Variants in CWF19L2 observed in about 807,000 individuals in gnomAD.
CWF19L2 encodes the protein CWF19-like protein 2.
A neutral mutation model predicts 111.7 loss-of-function variants in CWF19L2; 98 were observed. The ratio of observed to expected loss-of-function variants is 0.88; its 90% CI spans 0.75 to 1.04. The LOEUF is 1.04. CWF19L2 is among the 50% of genes least tolerant of loss of function. The probability of loss-of-function intolerance (pLI) is 0.00; values close to 1 mark genes in which losing one functional copy is unlikely to be tolerated. For missense variants in CWF19L2, 1,101 were observed against 1,051.4 expected (o/e 1.05, Z -0.65); for synonymous variants, 351 against 342.9 (o/e 1.02, Z -0.26).
Position 107,392,864 on chromosome 11 carries a change from C to T in CWF19L2, c.1649G>A (p.Arg550Lys), listed in dbSNP as rs1209522255. 6.3e-7 allele frequency: 1 copy of T among 1,576,042 alleles called. No individual in the cohort carries two copies. Among genetic ancestry groups the T allele is most frequent in the Non-Finnish European group, 8.6e-7 (1 of 1,167,706 alleles). Residue 550 changes from arginine to lysine, a missense_variant, in exon 11 of 18, where the codon AGA (arginine) becomes AAA (lysine). Physicochemically the swap from Arg to Lys is conservative, Grantham distance 26. Coordinates refer to ENST00000282251, the MANE Select transcript of CWF19L2 (RefSeq NM_152434.3). ...CCATACTCTTCCAGACTGATCTGTT[C>T]TGACAAGGATTACTTCTTGCTGGTC... ...NEDQQEVILVRTDQSGRVWPV... is the reference protein window; with the variant it reads ...NEDQQEVILVKTDQSGRVWPV...
chr11:107,429,201 A>G lies in CWF19L2; in HGVS notation c.1031T>C (p.Leu344Ser), dbSNP rs779149054. 1 of 1,613,712 alleles carries G rather than the reference A, an allele frequency of 6.2e-7. No homozygotes were observed. Among genetic ancestry groups the G allele is most frequent in the East Asian group, 2.2e-5 (1 of 44,858 alleles). Residue 344 changes from leucine to serine, a missense_variant, in exon 8 of 18, where the codon TTA (leucine) becomes TCA (serine). Transcript: ENST00000282251. ...GTTAGATTCTCTTCTACACGTTTCT[A>G]AAGACCCAGGTCTCTTATCTTTTTC... ...GDEKDKRPGSLETCRRESNPR... is the reference protein window; with the variant it reads ...GDEKDKRPGSSETCRRESNPR...
intron 3 of CWF19L2, among the ~76,000 whole-genome samples, chr11:107,452,437 T>C (rs1260332072): frequency 6.6e-6 from 1 of 152,098 alleles, no homozygotes; most frequent in Non-Finnish European, 1.5e-5. Context: ...ACACTAAAAA[T>C]TTCAGAACAT....
intron 12 of CWF19L2, among the ~76,000 whole-genome samples, chr11:107,369,336 G>T (rs1392695147): frequency 1.5e-5 from 2 of 137,512 alleles, no homozygotes; most frequent in Non-Finnish European, 3.1e-5. Flanking sequence ...TAATATAAAA[G>T]TAGAGCTTCA....
intron 12 of CWF19L2, among the ~76,000 whole-genome samples, chr11:107,362,874 C>T (rs951664443): frequency 7.2e-5 from 11 of 151,902 alleles, no homozygotes; most frequent in Admixed American, 2.6e-4. Flanking sequence ...CAAATTACTC[C>T]GACCTACGGG....
intron 17 of CWF19L2, among the ~76,000 whole-genome samples, chr11:107,328,153 A>C (rs1859790899): frequency 2.0e-5 from 3 of 152,024 alleles, no homozygotes; most frequent in Non-Finnish European, 4.4e-5. Context: ...AAAAAAAAAA[A>C]AAAACAATCT....
intron 10 of CWF19L2, among the ~76,000 whole-genome samples, chr11:107,399,732 C>T (rs1860973717): frequency 6.6e-6 from 1 of 152,148 alleles, no homozygotes; most frequent in South Asian, 2.1e-4. Flanking sequence ...CAGATATATA[C>T]AGGACATTTC....
At chr11:107,345,152 T>C (rs1860060652) in intron 14 of CWF19L2, among the ~76,000 whole-genome samples, 1 of 152,230 alleles carries the variant, frequency 6.6e-6, no homozygotes, top group South Asian at 2.1e-4. Context: ...ACAAATTTGC[T>C]ATTATGACAG....
chr11:107,380,884 T>C (rs1249979346), intron 12 of CWF19L2, among the ~76,000 whole-genome samples: 1 of 152,186 alleles, frequency 6.6e-6, no homozygotes, highest in Non-Finnish European at 1.5e-5. Flanking sequence ...TATTCAGCCT[T>C]AAAAAGCAAT....
At chr11:107,348,344 T>C (rs77094526) in intron 14 of CWF19L2, among the ~76,000 whole-genome samples, 2,669 of 152,282 alleles carry the variant, frequency 0.018, 60 homozygotes, top group African/African-American at 0.059. Flanking sequence ...TATTAGGTCT[T>C]GAAATAATTC....
chr11:107,391,287 AT>A (rs1860843384), intron 11 of CWF19L2, among the ~76,000 whole-genome samples: 1 of 151,988 alleles, frequency 6.6e-6, no homozygotes, highest in Non-Finnish European at 1.5e-5. Context: ...CAGTACCTCT[AT>A]TAAAAGACAT....
chr11:107,362,159 G>A (rs1017198579), intron 12 of CWF19L2, among the ~76,000 whole-genome samples: 2 of 152,182 alleles, frequency 1.3e-5, no homozygotes, highest in Non-Finnish European at 2.9e-5. Flanking sequence ...CCCGCACCTG[G>A]CTCGGAGGGT....
intron 8 of CWF19L2, among the ~76,000 whole-genome samples, chr11:107,420,044 AT>A (rs1367321445): frequency 5.3e-5 from 8 of 152,002 alleles, no homozygotes; most frequent in African/African-American, 1.7e-4. Context: ...TTAAAAAAAA[AT>A]ATATAGCAAC....
At position 107,428,484 on chromosome 11, in the gene CWF19L2, C is replaced by T. The variant is rs145592330; in HGVS notation, c.1433+315G>A. ...CCTTAGAAAGTAATGGCATTGGTAA[C>T]AAAATCTACCAAAATATCTCCTGCA... On this transcript the variant is annotated intron_variant, in intron 8 of 17. Transcript: ENST00000282251. Among the ~76,000 whole-genome samples, 471 of 151,998 alleles carry T rather than the reference C, an allele frequency of 3.1e-3. 3 individuals carry two copies. Among genetic ancestry groups the T allele is most frequent in the African/African-American group, 0.011 (450 of 41,460 alleles).
chr11:107,449,292 G>A (rs1207792248), intron 3 of CWF19L2, among the ~76,000 whole-genome samples: 1 of 152,010 alleles, frequency 6.6e-6, no homozygotes, highest in African/African-American at 2.4e-5. Context: ...CAAAAGCTGA[G>A]AGAATACAAT....
At chr11:107,444,190 G>A (rs1166588582) in intron 3 of CWF19L2, among the ~76,000 whole-genome samples, 1 of 150,812 alleles carries the variant, frequency 6.6e-6, no homozygotes, top group Non-Finnish European at 1.5e-5. Flanking sequence ...TCCATTCTCA[G>A]ATGAACTTCT....
At position 107,447,062 on chromosome 11, in the gene CWF19L2, C is replaced by T. The variant is rs114746336; in HGVS notation, c.340-4013G>A. Among the ~76,000 whole-genome samples the T allele has an allele frequency of 5.0e-3, 757 of 152,284 alleles. 7 individuals carry two copies. The highest frequency in any genetic ancestry group is 0.017 in the African/African-American group (711 of 41,546). On this transcript the variant is annotated intron_variant, in intron 3 of 17. Transcript: ENST00000282251. ...AGACAGAAAAGTGCTACCAGCAAAA[C>T]TCAAGGGATCTTGAGGACTTCTGCT...
At chr11:107,453,173 T>C (rs1861802283) in intron 3 of CWF19L2, among the ~76,000 whole-genome samples, 1 of 152,226 alleles carries the variant, frequency 6.6e-6, no homozygotes, top group Non-Finnish European at 1.5e-5. Flanking sequence ...CTCTACATCC[T>C]TGTTCTTCAG....
chr11:107,344,543 C>T (rs1331684202), intron 14 of CWF19L2, among the ~76,000 whole-genome samples: 1 of 152,172 alleles, frequency 6.6e-6, no homozygotes, highest in Non-Finnish European at 1.5e-5. Flanking sequence ...GAGAAATGTG[C>T]TACTTCCTTC....
chr11:107,338,921 T>G (rs1432770010), intron 14 of CWF19L2, among the ~76,000 whole-genome samples: 1 of 152,190 alleles, frequency 6.6e-6, no homozygotes, highest in Non-Finnish European at 1.5e-5. Flanking sequence ...TATATTCCTT[T>G]GGGTATATAC....
Sources: allele counts gnomAD v4.1 joint callset (sites outside exome capture counted in the v4.1 genomes callset), GRCh38; gene constraint gnomAD v4.1.1; transcripts MANE v1.5; gene names NCBI Gene and HGNC (gene_info 2026-07-23, HGNC 2026-07-21).